The following DLG2 variants were observed in gnomAD, a reference collection of about 807,000 sequenced individuals.
The protein encoded by DLG2 is disks large homolog 2.
In DLG2, 45 loss-of-function variants were observed where a neutral mutation model predicts 132.5. That is an observed-to-expected ratio of 0.34 (90% confidence interval 0.27 to 0.44). The LOEUF is 0.44. Ranked by LOEUF, DLG2 falls within the 20% of genes least tolerant of loss-of-function variation. DLG2 has a pLI of 1.00. For missense variants in DLG2, 1,045 were observed against 1,196.9 expected (o/e 0.87, Z 1.87); for synonymous variants, 424 against 419.6 (o/e 1.01, Z -0.13).
In DLG2 at chr11:85,077,455, G is replaced by A. The variant is rs574819414; in HGVS notation, c.357+34206C>T. Among the ~76,000 whole-genome samples, 217 of 152,046 alleles carry A rather than the reference G, an allele frequency of 1.4e-3. 1 individual carries two copies. The highest frequency in any genetic ancestry group is 2.9e-3 in the Admixed American group (44 of 15,252). Reference sequence around the variant, plus strand: ...AGTTGTTTGGCAATAAAATTTCCAAGTGCCTGCTTCTTAAATTTTTTTATG... The same window carrying A: ...AGTTGTTTGGCAATAAAATTTCCAAATGCCTGCTTCTTAAATTTTTTTATG... On this transcript the variant is annotated intron_variant, in intron 6 of 27. Transcript: ENST00000376104.
intron 3 of DLG2, among the ~76,000 whole-genome samples, chr11:85,430,348 A>T (rs1199001453): frequency 6.6e-6 from 1 of 151,960 alleles, no homozygotes; most frequent in Non-Finnish European, 1.5e-5. Context: ...AACTTAAAGT[A>T]TAATAAAAAA....
At chr11:84,670,833 A>T (rs1422370781) in intron 6 of DLG2, among the ~76,000 whole-genome samples, 1 of 149,754 alleles carries the variant, frequency 6.7e-6, no homozygotes, top group Non-Finnish European at 1.5e-5. Context: ...CCAAAGCACC[A>T]TTTGTTTTGA....
intron 7 of DLG2, among the ~76,000 whole-genome samples, chr11:84,489,091 TTCTG>T (rs1406159388): frequency 6.6e-6 from 1 of 152,158 alleles, no homozygotes; most frequent in Non-Finnish European, 1.5e-5. Context: ...AAATTAGTTG[TTCTG>T]TCTCTCTTTT....
intron 6 of DLG2, among the ~76,000 whole-genome samples, chr11:84,590,467 G>C (rs148003983): frequency 6.2e-4 from 95 of 152,226 alleles, no homozygotes; most frequent in Non-Finnish European, 9.6e-4. Context: ...CTTTGTAATA[G>C]GCAGGCACTC....
chr11:85,171,355 C>T (rs967533462), intron 4 of DLG2, among the ~76,000 whole-genome samples: 11 of 152,116 alleles, frequency 7.2e-5, no homozygotes, highest in African/African-American at 2.7e-4. Flanking sequence ...AGTGATTATG[C>T]ACCCTCATCT....
At chr11:85,501,839 C>A (rs1271920986) in intron 3 of DLG2, among the ~76,000 whole-genome samples, 1 of 152,108 alleles carries the variant, frequency 6.6e-6, no homozygotes, top group Non-Finnish European at 1.5e-5. Context: ...ATTAGTTCAA[C>A]CATTGTGGAA....
chr11:84,423,506 A>G (rs377696265), intron 7 of DLG2, among the ~76,000 whole-genome samples: 2 of 152,152 alleles, frequency 1.3e-5, no homozygotes, highest in South Asian at 4.1e-4. Context: ...CTCAATCAAT[A>G]ATGGAAATGT....
intron 3 of DLG2, among the ~76,000 whole-genome samples, chr11:85,552,774 A>G (rs2153221064): frequency 6.6e-6 from 1 of 151,614 alleles, no homozygotes; most frequent in Non-Finnish European, 1.5e-5. Flanking sequence ...TGACAGAATG[A>G]ATGTTATGGA....
Position 83,988,987 on chromosome 11 carries a change from A to T in DLG2, c.920-8345T>A, listed in dbSNP as rs139428254. On this transcript the variant is annotated intron_variant, in intron 11 of 27. Coordinates refer to ENST00000376104, the MANE Select transcript of DLG2 (RefSeq NM_001142699.3). ...ATGGTTTTTTGGTCTATTTTGTACT[A>T]TGCAAGTAGAACAAAACCAGTTACA... 6.2e-3 allele frequency among the ~76,000 whole-genome samples: 950 copies of T among 152,168 alleles called. 9 individuals are homozygous for T. Among genetic ancestry groups the T allele is most frequent in the African/African-American group, 0.022 (894 of 41,530 alleles).
intron 6 of DLG2, among the ~76,000 whole-genome samples, chr11:84,804,377 AC>A (rs1215816634): frequency 6.6e-6 from 1 of 152,184 alleles, no homozygotes; most frequent in African/African-American, 2.4e-5. Context: ...CAAAAGGAAA[AC>A]CCACGTACTT....
At chr11:84,308,950 G>C (rs2004608) in intron 7 of DLG2, among the ~76,000 whole-genome samples, 5,643 of 152,272 alleles carry the variant, frequency 0.037, 343 homozygotes, top group African/African-American at 0.13. Context: ...GAGGGAGCCG[G>C]CTCCGGCCTT....
chr11:84,163,475 TTTC>T lies in DLG2; in HGVS notation c.607_609del (p.Glu203del). ...TTTTTTCTTACCCTCTCCAGTGTAA[TTTC>T]TTCAAATTCATATTCAATTTCTGTC... On this transcript the variant is annotated inframe_deletion, in exon 9 of 28. Coordinates refer to ENST00000376104, the MANE Select transcript of DLG2 (RefSeq NM_001142699.3). 1 of 1,607,230 alleles carries T rather than the reference TTTC, an allele frequency of 6.2e-7. No homozygotes were observed. The highest frequency in any genetic ancestry group is 1.1e-5 in the South Asian group (1 of 89,594).
chr11:83,933,932 T>C (rs1415298672), intron 14 of DLG2, among the ~76,000 whole-genome samples: 1 of 152,248 alleles, frequency 6.6e-6, no homozygotes, highest in Non-Finnish European at 1.5e-5. Context: ...AAGGAAAAGA[T>C]GCAAACATGG....
intron 3 of DLG2, among the ~76,000 whole-genome samples, chr11:85,570,001 G>T (rs2077753480): frequency 6.6e-6 from 1 of 152,150 alleles, no homozygotes. Context: ...GAGGGAAGAG[G>T]GGGACGTACG....
chr11:83,485,641 TGA>T (rs1425578129), intron 21 of DLG2, among the ~76,000 whole-genome samples: 1 of 152,164 alleles, frequency 6.6e-6, no homozygotes, highest in Admixed American at 6.6e-5. Context: ...AGCAGCAAGG[TGA>T]CCCTTAGAAG....
At chr11:85,531,899 T>C (rs1435777977) in intron 3 of DLG2, among the ~76,000 whole-genome samples, 5 of 152,210 alleles carry the variant, frequency 3.3e-5, no homozygotes, top group Non-Finnish European at 7.4e-5. Context: ...TATTGACAAA[T>C]AAACTAAGGA....
chr11:85,349,318 A>G (rs2083099628), intron 3 of DLG2, among the ~76,000 whole-genome samples: 2 of 152,144 alleles, frequency 1.3e-5, no homozygotes, highest in South Asian at 4.1e-4. Flanking sequence ...AGAAACACCA[A>G]AAGAAACACT....
chr11:83,829,673 C>A (rs944753742), intron 17 of DLG2, among the ~76,000 whole-genome samples: 2 of 152,102 alleles, frequency 1.3e-5, no homozygotes, highest in African/African-American at 4.8e-5. Context: ...CAAGACTGTT[C>A]TTTTCTCTCA....
intron 6 of DLG2, among the ~76,000 whole-genome samples, chr11:84,990,001 A>C (rs2056910190): frequency 6.6e-6 from 1 of 152,178 alleles, no homozygotes; most frequent in Non-Finnish European, 1.5e-5. Context: ...AAAAAGAAAA[A>C]TTAACAAATT....
Sources: allele counts gnomAD v4.1 joint callset (sites outside exome capture counted in the v4.1 genomes callset), GRCh38; gene constraint gnomAD v4.1.1; transcripts MANE v1.5; gene names NCBI Gene and HGNC (gene_info 2026-07-23, HGNC 2026-07-21).